The following CNTN2 variants were observed in gnomAD, a reference collection of about 807,000 sequenced individuals.
The protein encoded by CNTN2 is contactin-2.
A neutral mutation model predicts 117.5 loss-of-function variants in CNTN2; 53 were observed. The observed-to-expected ratio is 0.45, with a 90% CI of 0.36 to 0.57. The LOEUF (loss-of-function observed/expected upper bound fraction) is 0.57. CNTN2 is among the 20% of genes least tolerant of loss of function. The probability of loss-of-function intolerance (pLI) is 0.00; values close to 1 mark genes in which losing one functional copy is unlikely to be tolerated. For missense variants in CNTN2, 1,106 were observed against 1,404.3 expected, an observed-to-expected ratio of 0.79 and a Z score of 3.39; for synonymous variants, 530 against 561.7, an observed-to-expected ratio of 0.94 and a Z score of 0.80.
chr1:205,071,451 A>G (rs1300369817), intron 19 of CNTN2, among the ~76,000 whole-genome samples: 1 of 152,246 alleles, frequency 6.6e-6, no homozygotes, highest in Non-Finnish European at 1.5e-5. Flanking sequence ...GGCAAGCCAC[A>G]GTGTGGAGAT....
chr1:205,060,010 G>C, intron 7 of CNTN2: 1 of 312,996 alleles, frequency 3.2e-6, no homozygotes, highest in Non-Finnish European at 6.0e-6. Flanking sequence ...TCAGATCCCA[G>C]CTCTGCCACC....
At position 205,059,715 on chromosome 1, in the gene CNTN2, G is replaced by A. The variant is rs1487567584; in HGVS notation, c.797+33G>A. 4.4e-6 allele frequency: 7 copies of A among 1,585,542 alleles called. No individual in the cohort carries two copies. The highest frequency in any genetic ancestry group is 1.7e-4 in the Middle Eastern group (1 of 6,000). ...TGAAGAGGGAGGGGAAGCAGAGCACGGTCTCTCGGGGGCACAGGTGACCCC... is the reference window on the plus strand; with the variant it reads ...TGAAGAGGGAGGGGAAGCAGAGCACAGTCTCTCGGGGGCACAGGTGACCCC... On this transcript the variant is annotated intron_variant, in intron 7 of 22. Coordinates refer to ENST00000331830, the MANE Select transcript of CNTN2 (RefSeq NM_005076.5). This position sits in a 1 kb window ranked among gnomAD's most constrained non-coding sequence, Gnocchi z 5.6.
At chr1:205,068,444 A>G (rs1166880611) in intron 16 of CNTN2, 2 of 152,218 alleles carry the variant, frequency 1.3e-5, no homozygotes, top group Non-Finnish European at 2.9e-5. Flanking sequence ...TCTCCTGAGT[A>G]AGAAATTCCA....
intron 1 of CNTN2, among the ~76,000 whole-genome samples, chr1:205,047,728 CTG>C (rs2096444168): frequency 6.6e-6 from 1 of 152,156 alleles, no homozygotes; most frequent in Non-Finnish European, 1.5e-5. Context: ...GACGTTGTGA[CTG>C]TATAGAAGTA....
chr1:205,050,743 C>G (rs183011288), intron 1 of CNTN2, among the ~76,000 whole-genome samples: 1 of 151,788 alleles, frequency 6.6e-6, no homozygotes, highest in Admixed American at 6.6e-5. Context: ...CTCAGCCTCC[C>G]GAGTAGCTGG....
chr1:205,059,390 G>A lies in CNTN2; in HGVS notation c.697+97G>A, dbSNP rs1653847509. 7.7e-7 allele frequency: 1 copy of A among 1,306,420 alleles called. No individual in the cohort carries two copies. Among genetic ancestry groups the A allele is most frequent in the Non-Finnish European group, 1.1e-6 (1 of 932,058 alleles). 80.9% of individuals were successfully genotyped at this position (1,306,420 alleles called of 1,614,324 possible). A position where few individuals can be genotyped will look rare whatever the true frequency, so the allele number is the denominator to read the frequency against. ...CCTTTGGAGATTGGAAGATCAGCTT[G>A]CAGGGCACTGATTCCAGGCCCTGGA... On this transcript the variant is annotated intron_variant, in intron 6 of 22. Coordinates refer to ENST00000331830, the MANE Select transcript of CNTN2 (RefSeq NM_005076.5). The surrounding 1 kb of genome is among the most constrained non-coding windows in gnomAD (Gnocchi z 5.6).
intron 1 of CNTN2, among the ~76,000 whole-genome samples, chr1:205,046,085 C>A (rs1304192117): frequency 1.3e-5 from 2 of 152,182 alleles, no homozygotes; most frequent in African/African-American, 2.4e-5. Flanking sequence ...GAGGCTGTTG[C>A]TAACCTGGAA....
At chr1:205,055,193 T>G (rs2096459065) in intron 2 of CNTN2, among the ~76,000 whole-genome samples, 1 of 152,148 alleles carries the variant, frequency 6.6e-6, no homozygotes, top group South Asian at 2.1e-4. Context: ...TTTGTATTTT[T>G]GGTAGAGACG....
chr1:205,053,749 G>A (rs755368465), intron 2 of CNTN2, among the ~76,000 whole-genome samples: 1 of 152,232 alleles, frequency 6.6e-6, no homozygotes, highest in African/African-American at 2.4e-5. Context: ...CATTCTCCCA[G>A]ACAGGGCTCT....
At position 205,059,722 on chromosome 1, in the gene CNTN2, C is replaced by G. The variant is rs770237394; in HGVS notation, c.797+40C>G. The G allele has an allele frequency of 1.9e-6, 3 of 1,573,176 alleles. No individual in the cohort carries two copies. The highest frequency in any genetic ancestry group is 3.3e-5 in the Admixed American group (2 of 59,760). On this transcript the variant is annotated intron_variant, in intron 7 of 22. Coordinates refer to ENST00000331830, the MANE Select transcript of CNTN2 (RefSeq NM_005076.5). This position sits in a 1 kb window ranked among gnomAD's most constrained non-coding sequence, Gnocchi z 5.6. ...GGAGGGGAAGCAGAGCACGGTCTCT[C>G]GGGGGCACAGGTGACCCCAGGGTGA...
chr1:205,046,374 C>T (rs1041993419), intron 1 of CNTN2, among the ~76,000 whole-genome samples: 11 of 152,364 alleles, frequency 7.2e-5, no homozygotes, highest in Admixed American at 3.9e-4. Context: ...GCCCCTCACA[C>T]ACACCCATCT....
In CNTN2 at chr1:205,066,494, A is replaced by T; in HGVS notation, c.1870A>T (p.Ile624Phe). 8 of 1,614,062 alleles carry T rather than the reference A, an allele frequency of 5.0e-6. No individual in the cohort carries two copies. The highest frequency in any genetic ancestry group is 6.8e-6 in the Non-Finnish European group (8 of 1,180,038). ...VVVRDIGDTTIQLSWSRGFDN... is the reference protein window; with the variant it reads ...VVVRDIGDTTFQLSWSRGFDN... ...GGTGAGGGACATTGGCGACACCACC[A>T]TCCAGCTCAGCTGGAGCCGTGGCTT... Residue 624 changes from isoleucine to phenylalanine, a missense_variant, in exon 15 of 23, where the codon ATC (isoleucine) becomes TTC (phenylalanine). Physicochemically the swap from Ile to Phe is conservative, Grantham distance 21. Transcript: ENST00000331830.
chr1:205,066,574 A>G lies in CNTN2; in HGVS notation c.1950A>G (p.Ala650=). 6.2e-7 allele frequency: 1 copy of G among 1,614,030 alleles called. No individual in the cohort carries two copies. The highest frequency in any genetic ancestry group is 8.5e-7 in the Non-Finnish European group (1 of 1,180,004). Residue 650 remains alanine, a synonymous_variant, in exon 15 of 23, where the codon GCA becomes GCG. Transcript: ENST00000331830. ...KYTLQARTPP[A]GKWKQVRTNP... is the part of the protein sequence containing the mutation. ...CCCTGCAAGCTCGCACTCCACCTGC[A>G]GGGAAGTGGAAGCAGGTTCGGACCA...
Position 205,058,286 on chromosome 1 carries a change from G to C in CNTN2, c.321G>C (p.Gly107=). The change falls in exon 4 of 23, where the codon GGG becomes GGC. Residue 107 remains glycine (G), a synonymous_variant. Coordinates refer to ENST00000331830, the MANE Select transcript of CNTN2 (RefSeq NM_005076.5). The surrounding 1 kb of genome is among the most constrained non-coding windows in gnomAD (Gnocchi z 4.3). ...IMNPTKAQDA[G]VYQCLASNPV... is the part of the protein sequence containing the mutation. ...ACCCCACCAAGGCACAGGATGCCGG[G>C]GTCTACCAGTGCCTGGCCTCCAACC... is the stretch of plus-strand genomic sequence containing the variant. 6.5e-7 allele frequency: 1 copy of C among 1,532,678 alleles called. No individual in the cohort carries two copies. Among genetic ancestry groups the C allele is most frequent in the Non-Finnish European group, 8.8e-7 (1 of 1,139,416 alleles). The allele number at this position is 1,532,678 out of a possible 1,614,324, so 94.9% of individuals were successfully genotyped here.
Position 205,069,932 on chromosome 1 carries a change from G to C in CNTN2, c.2302G>C (p.Ala768Pro), listed in dbSNP as rs1193403318. The C allele has an allele frequency of 6.2e-7, 1 of 1,613,846 alleles. No homozygotes were observed. ...GACCGCCCGGGTGCCTGGCGCCGAT[G>C]CCCAGTACTTTGTCTACAGCAACGA... ...WQTARVPGAD[A>P]QYFVYSNESV... is the part of the protein sequence containing the mutation. The change falls in exon 18 of 23, where the codon GCC (alanine) becomes CCC (proline). Residue 768 changes from alanine (A) to proline (P), a missense_variant. Physicochemically the swap from Ala to Pro is conservative, Grantham distance 27. Transcript: ENST00000331830.
At chr1:205,050,624 A>G (rs372791616) in intron 1 of CNTN2, among the ~76,000 whole-genome samples, 1 of 122,446 alleles carries the variant, frequency 8.2e-6, no homozygotes, top group African/African-American at 4.8e-5. Flanking sequence ...TGTTCTGAGT[A>G]CATTTTTTTT....
Position 205,061,577 on chromosome 1 carries a change from G to A in CNTN2, c.973+157G>A, listed in dbSNP as rs1653986099. The A allele has an allele frequency of 1.7e-5, 16 of 923,346 alleles. No individual in the cohort carries two copies. Among genetic ancestry groups the A allele is most frequent in the South Asian group, 3.6e-5 (2 of 56,064 alleles). 57.2% of individuals were successfully genotyped at this position (923,346 alleles called of 1,614,324 possible). A position where few individuals can be genotyped will look rare whatever the true frequency, so the allele number is the denominator to read the frequency against. ...GACTGCACTGAGTCTGGGACCAGAG[G>A]AGGCTAGTGCTGTGGTCACCTCAGA... On this transcript the variant is annotated intron_variant, in intron 8 of 22. Coordinates refer to ENST00000331830, the MANE Select transcript of CNTN2 (RefSeq NM_005076.5). The surrounding 1 kb of genome is among the most constrained non-coding windows in gnomAD (Gnocchi z 4.8).
At position 205,065,361 on chromosome 1, in the gene CNTN2, G is replaced by C; in HGVS notation, c.1695+99G>C. On this transcript the variant is annotated intron_variant, in intron 13 of 22. Transcript: ENST00000331830. This position sits in a 1 kb window ranked among gnomAD's most constrained non-coding sequence, Gnocchi z 4.1. ...CATCCTCACCTTTAAGAAACCCATA[G>C]CCTAAGCGCCCCCATTCCCTCAGGC... 1.6e-6 allele frequency: 2 copies of C among 1,269,084 alleles called. No individual in the cohort carries two copies. The highest frequency in any genetic ancestry group is 2.2e-6 in the Non-Finnish European group (2 of 907,374). 78.6% of individuals were successfully genotyped at this position (1,269,084 alleles called of 1,614,324 possible). A position where few individuals can be genotyped will look rare whatever the true frequency, so the allele number is the denominator to read the frequency against.
At position 205,064,340 on chromosome 1, in the gene CNTN2, G is replaced by A. The variant is rs1474278295; in HGVS notation, c.1259G>A (p.Arg420Lys). 6.3e-7 allele frequency: 1 copy of A among 1,590,738 alleles called. No individual in the cohort carries two copies. The highest frequency in any genetic ancestry group is 1.4e-5 in the African/African-American group (1 of 73,964). Reference sequence around the variant, plus strand: ...CTTCTAGCACTCGCCCCTGACTTCAGGCTGAATCCCGTGAGGCGTCTGATC... The same window carrying A: ...CTTCTAGCACTCGCCCCTGACTTCAAGCTGAATCCCGTGAGGCGTCTGATC... ...LAVQALAPDF[R>K]LNPVRRLIPA... Residue 420 changes from arginine (R) to lysine (K), a missense_variant, in exon 11 of 23, where the codon AGG (arginine) becomes AAG (lysine). Physicochemically the swap from Arg to Lys is conservative, Grantham distance 26. Transcript: ENST00000331830.
Sources: gnomAD v4.1 joint callset for allele counts (sites outside exome capture counted in the v4.1 genomes callset) on GRCh38, gnomAD v4.1.1 for gene constraint, Gnocchi (gnomAD v3.1) non-coding constraint, MANE v1.5 for transcripts, NCBI Gene and HGNC (gene_info 2026-07-23, HGNC 2026-07-21) for gene names.